Variants in STXBP5 observed in about 807,000 individuals in gnomAD.
The protein encoded by STXBP5 is syntaxin binding protein 5, also known as syntaxin-binding protein 5.
Under a neutral mutation model 152.4 loss-of-function variants are expected in STXBP5, and 50 were observed. The ratio of observed to expected loss-of-function variants is 0.33; its 90% confidence interval spans 0.26 to 0.42. The LOEUF (loss-of-function observed/expected upper bound fraction) is 0.42. STXBP5 is among the 10% of genes least tolerant of loss of function. The probability of loss-of-function intolerance (pLI) is 1.00; values close to 1 mark genes in which losing one functional copy is unlikely to be tolerated. For missense variants in STXBP5, 1,167 were observed against 1,388.6 expected, an observed-to-expected ratio of 0.84 and a Z score of 2.54; for synonymous variants, 492 against 494.7, an observed-to-expected ratio of 0.99 and a Z score of 0.07.
intron 18 of STXBP5, among the ~76,000 whole-genome samples, chr6:147,331,061 T>C (rs1783544504): frequency 6.6e-6 from 1 of 152,230 alleles, no homozygotes; most frequent in Admixed American, 6.5e-5. Flanking sequence ...GGTACTGGAT[T>C]AATGTGTAGT....
intron 6 of STXBP5, among the ~76,000 whole-genome samples, chr6:147,266,328 T>C (rs1248890238): frequency 6.6e-6 from 1 of 152,076 alleles, no homozygotes; most frequent in East Asian, 1.9e-4. Flanking sequence ...AACTCTTAAC[T>C]CTAGCTACAA....
intron 10 of STXBP5, among the ~76,000 whole-genome samples, 197 bp downstream of exon 10, chr6:147,310,435 C>T (rs759067846): frequency 1.3e-5 from 2 of 152,124 alleles, no homozygotes; most frequent in Admixed American, 6.5e-5. Flanking sequence ...AATAAAAAAA[C>T]GCTATTCATA....
rs566592588 is a variant in STXBP5 at position 147,339,611 on chromosome 6, G to A, written c.2254+227G>A. 3.3e-5 allele frequency among the ~76,000 whole-genome samples: 5 copies of A among 151,956 alleles called. No homozygotes were observed. The South Asian group carries it at 1.0e-3, about 32-fold the overall frequency. On this transcript the variant is annotated intron_variant, in intron 21 of 27. Coordinates refer to ENST00000321680, the MANE Select transcript of STXBP5 (RefSeq NM_001127715.4). ...TCTGACTTACAGTGTGAATTTCTCT[G>A]TTAATTTTATTTTTGCTTTACTTTA...
intron 10 of STXBP5, among the ~76,000 whole-genome samples, chr6:147,311,112 G>C (rs780037139): frequency 6.6e-6 from 1 of 152,068 alleles, no homozygotes; most frequent in Non-Finnish European, 1.5e-5. Context: ...TAGTATTATA[G>C]TAGAACTCTT....
intron 25 of STXBP5, among the ~76,000 whole-genome samples, chr6:147,364,738 T>C (rs1785217783): frequency 6.6e-6 from 1 of 152,206 alleles, no homozygotes; most frequent in Admixed American, 6.5e-5. Flanking sequence ...CAGTTTAGCT[T>C]TACCTTCCAA....
In STXBP5 at chr6:147,210,396, G is replaced by GT. The variant is rs201225656; in HGVS notation, c.248+4336dup. On this transcript the variant is annotated intron_variant, in intron 2 of 27. Transcript: ENST00000321680. ...GATATACTTTCACTGTTTTGTTTTG[G>GT]TTTTTTTTGGCTGGTCCTTGGTGAT... Among the ~76,000 whole-genome samples the GT allele has an allele frequency of 2.7e-4, 41 of 151,612 alleles. No individual in the cohort carries two copies. The East Asian group carries it at 6.0e-3, about 22-fold the overall frequency.
At chr6:147,288,574 G>C (rs192341102) in intron 8 of STXBP5, among the ~76,000 whole-genome samples, 2 of 152,214 alleles carry the variant, frequency 1.3e-5, no homozygotes, top group African/African-American at 2.4e-5. Context: ...TGTTTTAATA[G>C]TACTTTCATT....
chr6:147,373,666 C>A, intron 25 of STXBP5, 65 bp from the exon 26 acceptor site: 1 of 1,186,436 alleles, frequency 8.4e-7, no homozygotes, highest in Non-Finnish European at 1.3e-6. Flanking sequence ...TACAGTGATA[C>A]TTTTGTTCAT....
intron 6 of STXBP5, among the ~76,000 whole-genome samples, chr6:147,263,354 T>C (rs1458145865): frequency 1.3e-5 from 2 of 150,088 alleles, no homozygotes; most frequent in Admixed American, 1.3e-4. Flanking sequence ...TTTTTTTTTT[T>C]TTTTTTTAAA....
At chr6:147,379,729 A>C (rs1175416181) in intron 26 of STXBP5, among the ~76,000 whole-genome samples, 1 of 152,088 alleles carries the variant, frequency 6.6e-6, no homozygotes, top group Non-Finnish European at 1.5e-5. Context: ...ATGTAATCTT[A>C]TCTATAGAAA....
intron 23 of STXBP5, among the ~76,000 whole-genome samples, chr6:147,361,602 T>C (rs1785070702): frequency 6.6e-6 from 1 of 152,144 alleles, no homozygotes; most frequent in Non-Finnish European, 1.5e-5. Flanking sequence ...TTTTCTTTTC[T>C]TCAAGAGGAA....
At chr6:147,289,784 C>T (rs937760547) in intron 8 of STXBP5, among the ~76,000 whole-genome samples, 2 of 151,662 alleles carry the variant, frequency 1.3e-5, no homozygotes, top group South Asian at 2.1e-4. Flanking sequence ...TACGGTCTTA[C>T]GCTGCTGATA....
intron 17 of STXBP5, among the ~76,000 whole-genome samples, chr6:147,326,193 G>GT (rs1240631943): frequency 6.6e-6 from 1 of 152,126 alleles, no homozygotes. Context: ...GCCACACAAT[G>GT]TAAGAGCACA....
At chr6:147,216,087 T>C (rs1055024426) in intron 2 of STXBP5, among the ~76,000 whole-genome samples, 3 of 152,254 alleles carry the variant, frequency 2.0e-5, no homozygotes, top group African/African-American at 7.2e-5. Context: ...GAAAAATGAA[T>C]AATGTATTTT....
chr6:147,385,257 CATT>C lies in STXBP5; in HGVS notation c.*504_*506del, dbSNP rs1188810459. The C allele has an allele frequency of 3.9e-5, 6 of 152,672 alleles. No individual in the cohort carries two copies. Among genetic ancestry groups the C allele is most frequent in the Non-Finnish European group, 8.8e-5 (6 of 68,540 alleles). The allele number at this position is 152,672 out of a possible 1,614,324, so 9.5% of individuals were successfully genotyped here. A position where few individuals can be genotyped will look rare whatever the true frequency, so the allele number is the denominator to read the frequency against. The stretch of plus-strand genomic sequence containing the variant: ...CTTAACACTGACTGGTCATCAGTAT[CATT>C]AGTGAAAAAGAAACAAATTGTTTGT... On this transcript the variant is annotated 3_prime_UTR_variant, in exon 28 of 28. Transcript: ENST00000321680.
Position 147,386,616 on chromosome 6 carries a change from G to A in STXBP5, c.*1861G>A, listed in dbSNP as rs188634526. The A allele has an allele frequency of 1.3e-5, 2 of 151,872 alleles. No individual in the cohort carries two copies. The highest frequency in any genetic ancestry group is 3.0e-5 in the Non-Finnish European group (2 of 67,760). The allele number at this position is 151,872 out of a possible 1,614,324, so 9.4% of individuals were successfully genotyped here. ...AAGCACCAATGAATAACATATTTCT[G>A]TTTCGTTAATGTCAGCTGCCTGAAC... is the stretch of plus-strand genomic sequence containing the variant. On this transcript the variant is annotated 3_prime_UTR_variant, in exon 28 of 28. Coordinates refer to ENST00000321680, the MANE Select transcript of STXBP5 (RefSeq NM_001127715.4).
intron 8 of STXBP5, among the ~76,000 whole-genome samples, chr6:147,280,855 T>C (rs996912149): frequency 2.0e-5 from 3 of 152,214 alleles, no homozygotes; most frequent in African/African-American, 7.2e-5. Flanking sequence ...TGGATTTTTT[T>C]CTGTGGCTGG....
chr6:147,225,893 T>C (rs1777685230), intron 2 of STXBP5, among the ~76,000 whole-genome samples: 1 of 152,206 alleles, frequency 6.6e-6, no homozygotes, highest in Admixed American at 6.6e-5. Flanking sequence ...TTATGGGATT[T>C]TAAGGGCTAT....
intron 9 of STXBP5, among the ~76,000 whole-genome samples, chr6:147,306,634 T>C (rs576732620): frequency 6.6e-6 from 1 of 152,338 alleles, no homozygotes; most frequent in South Asian, 2.1e-4. Context: ...GCTTACTCAC[T>C]GTCCTGCAGT....
Sources: gnomAD v4.1 joint callset for allele counts (sites outside exome capture counted in the v4.1 genomes callset) on GRCh38, gnomAD v4.1.1 for gene constraint, MANE v1.5 for transcripts, NCBI Gene and HGNC (gene_info 2026-07-23, HGNC 2026-07-21) for gene names.